The following OLFM3 variants were observed in gnomAD, a reference collection of about 807,000 sequenced individuals.
The protein encoded by OLFM3 is noelin-3.
Under a neutral mutation model 48.6 loss-of-function variants are expected in OLFM3, and 20 were observed. That is an observed-to-expected ratio of 0.41 (90% CI 0.29 to 0.60). OLFM3 has a LOEUF of 0.60. Ranked by LOEUF, OLFM3 falls within the 20% of genes least tolerant of loss-of-function variation. The pLI, the probability that OLFM3 is intolerant of heterozygous loss-of-function variation, is 0.28. For missense variants in OLFM3, 437 were observed against 544.3 expected (o/e 0.80, Z 1.96); for synonymous variants, 222 against 198.1 (o/e 1.12, Z -1.01).
At chr1:101,977,819 C>T (rs1258324407) in intron 1 of OLFM3, among the ~76,000 whole-genome samples, 1 of 151,998 alleles carries the variant, frequency 6.6e-6, no homozygotes, top group East Asian at 1.9e-4. Flanking sequence ...AACATAAACA[C>T]TTTAACACCA....
chr1:101,934,131 GC>G (rs1472825303), intron 1 of OLFM3, among the ~76,000 whole-genome samples: 1 of 151,996 alleles, frequency 6.6e-6, no homozygotes, highest in Non-Finnish European at 1.5e-5. Flanking sequence ...AACCTTGAAT[GC>G]AAACAGGCTA....
intron 1 of OLFM3, among the ~76,000 whole-genome samples, chr1:101,843,435 G>T (rs1480212879): frequency 6.6e-6 from 1 of 152,216 alleles, no homozygotes; most frequent in Non-Finnish European, 1.5e-5. Context: ...GCGCCAGAGG[G>T]AGCCTGAGCC....
chr1:101,979,585 G>T (rs1661049009), intron 1 of OLFM3, among the ~76,000 whole-genome samples: 1 of 152,192 alleles, frequency 6.6e-6, no homozygotes, highest in Admixed American at 6.5e-5. Flanking sequence ...GTTTCCTGAG[G>T]CTTACCCAGC....
intron 1 of OLFM3, among the ~76,000 whole-genome samples, chr1:101,951,248 T>G (rs142416930): frequency 6.6e-6 from 1 of 152,346 alleles, no homozygotes; most frequent in Non-Finnish European, 1.5e-5. Flanking sequence ...AATATTTGAA[T>G]TAGTAATTGT....
chr1:101,811,859 T>A (rs1339905089), intron 4 of OLFM3, among the ~76,000 whole-genome samples: 3 of 152,126 alleles, frequency 2.0e-5, no homozygotes, highest in Non-Finnish European at 2.9e-5. Flanking sequence ...GGATTATAAA[T>A]CATGCTGCTA....
chr1:101,909,551 T>C (rs901657686), intron 1 of OLFM3, among the ~76,000 whole-genome samples: 1 of 152,200 alleles, frequency 6.6e-6, no homozygotes, highest in Admixed American at 6.5e-5. Context: ...TTAGCAACAA[T>C]ATGCAAATTA....
intron 1 of OLFM3, chr1:101,859,944 T>A (rs1331189310): frequency 6.6e-6 from 1 of 152,006 alleles, no homozygotes; most frequent in Non-Finnish European, 1.5e-5. Context: ...CAGTCTGAGA[T>A]TTTATATTTT....
chr1:101,861,334 T>C lies in OLFM3; in HGVS notation c.70-24309A>G, dbSNP rs149551197. Among the ~76,000 whole-genome samples, 1,484 of 150,690 alleles carry C rather than the reference T, an allele frequency of 9.8e-3. 37 individuals carry two copies. Among genetic ancestry groups the C allele is most frequent in the African/African-American group, 0.035 (1,415 of 40,610 alleles). On this transcript the variant is annotated intron_variant, in intron 1 of 5. Coordinates refer to ENST00000370103, the MANE Select transcript of OLFM3 (RefSeq NM_058170.4). The stretch of plus-strand genomic sequence containing the variant: ...GCCCCGGCCTCCCAAAGTGCTGGGA[T>C]TACAGGCATGAGCCACCGTGCCCGG...
At chr1:101,876,345 C>G (rs572767871) in intron 1 of OLFM3, among the ~76,000 whole-genome samples, 1 of 151,966 alleles carries the variant, frequency 6.6e-6, no homozygotes, top group South Asian at 2.1e-4. Flanking sequence ...CTCCTCCATA[C>G]GGCAAGTCCA....
intron 4 of OLFM3, among the ~76,000 whole-genome samples, chr1:101,813,893 A>G (rs192462065): frequency 9.8e-5 from 15 of 152,294 alleles, no homozygotes; most frequent in Non-Finnish European, 5.9e-5. Flanking sequence ...CAAAGCATTA[A>G]CAATTTAAAA....
intron 2 of OLFM3, among the ~76,000 whole-genome samples, chr1:101,834,647 C>T (rs943397373): frequency 1.3e-5 from 2 of 152,278 alleles, no homozygotes; most frequent in East Asian, 3.9e-4. Flanking sequence ...ATTTACGATT[C>T]CTCTGTTGCT....
At chr1:101,936,626 C>T (rs1053093166) in intron 1 of OLFM3, among the ~76,000 whole-genome samples, 1 of 151,890 alleles carries the variant, frequency 6.6e-6, no homozygotes, top group African/African-American at 2.4e-5. Context: ...TATATGAAAC[C>T]CAAAAAAGAC....
At chr1:101,809,846 T>C (rs937980251) in intron 4 of OLFM3, among the ~76,000 whole-genome samples, 8 of 151,940 alleles carry the variant, frequency 5.3e-5, no homozygotes, top group African/African-American at 1.9e-4. Context: ...AGGAAGGAAA[T>C]GTGTCTAAGT....
chr1:101,932,925 C>A (rs2339198), intron 1 of OLFM3, among the ~76,000 whole-genome samples: 51,343 of 151,848 alleles, frequency 0.34, 9,190 homozygotes, highest in Middle Eastern at 0.49. Context: ...TACAAGAGGC[C>A]GGGCATGGTG....
intron 1 of OLFM3, among the ~76,000 whole-genome samples, chr1:101,965,318 C>T (rs1008076346): frequency 5.9e-5 from 9 of 152,062 alleles, no homozygotes; most frequent in Non-Finnish European, 1.0e-4. Context: ...AATTAAAATG[C>T]GGGCTGCAGA....
At chr1:101,889,411 GAAACACCGCA>G (rs1657901191) in intron 1 of OLFM3, among the ~76,000 whole-genome samples, 1 of 151,992 alleles carries the variant, frequency 6.6e-6, no homozygotes, top group Admixed American at 6.6e-5. Context: ...GACAGAAAGC[GAAACACCGCA>G]TGTTTTCATT....
chr1:101,812,887 A>C, intron 4 of OLFM3: 1 of 991,528 alleles, frequency 1.0e-6, no homozygotes, highest in Non-Finnish European at 1.2e-6. Flanking sequence ...AGCAAACTTT[A>C]CTTTCTTGTA....
At chr1:101,926,418 C>A (rs905621078) in intron 1 of OLFM3, among the ~76,000 whole-genome samples, 5 of 152,076 alleles carry the variant, frequency 3.3e-5, no homozygotes, top group African/African-American at 9.7e-5. Flanking sequence ...ATTATATTCA[C>A]GCAAGCCTTT....
At chr1:101,907,276 C>T (rs1339567497) in intron 1 of OLFM3, among the ~76,000 whole-genome samples, 2 of 152,182 alleles carry the variant, frequency 1.3e-5, no homozygotes, top group African/African-American at 4.8e-5. Flanking sequence ...ACACAACCCA[C>T]ATATACAAAC....
Sources: gnomAD v4.1 joint callset for allele counts (sites outside exome capture counted in the v4.1 genomes callset) on GRCh38, gnomAD v4.1.1 for gene constraint, MANE v1.5 for transcripts, NCBI Gene and HGNC (gene_info 2026-07-23, HGNC 2026-07-21) for gene names.